Variants in DPH7 observed in about 807,000 individuals in gnomAD.
DPH7 encodes diphthamide biosynthesis 7.
In DPH7, 44 loss-of-function variants were observed where a neutral mutation model predicts 41.7. The ratio of observed to expected loss-of-function variants is 1.05; its 90% CI spans 0.83 to 1.36. The LOEUF (loss-of-function observed/expected upper bound fraction) is 1.36. Ranked by LOEUF, DPH7 falls within the 40% of genes most tolerant of loss-of-function variation. The pLI, the probability that DPH7 is intolerant of heterozygous loss-of-function variation, is 0.00. For synonymous variants in DPH7, 275 were observed against 238.0 expected (o/e 1.16, Z -1.43); for missense variants, 629 against 577.5 (o/e 1.09, Z -0.91).
At position 137,564,558 on chromosome 9, in the gene DPH7, C is replaced by T. The variant is rs374074310; in HGVS notation, c.825G>A (p.Pro275=). 147 of 1,614,072 alleles carry T rather than the reference C, an allele frequency of 9.1e-5. 1 individual carries two copies. Among genetic ancestry groups the T allele is most frequent in the South Asian group, 1.4e-4 (13 of 91,086 alleles). ...LLWDTRNMKQ[P]LADTPVQGGV... ...CACCCTGCACAGGCGTATCTGCCAA[C>T]GGCTGCTTCATGTTTCGTGTGTCCC... The change falls in exon 8 of 9, where the codon CCG becomes CCA. Residue 275 remains proline (P), a synonymous_variant. Coordinates refer to ENST00000277540, the MANE Select transcript of DPH7 (RefSeq NM_138778.5).
intron 1 of DPH7, 77 bp from the exon 2 acceptor site, chr9:137,577,680 G>A (rs912854464): frequency 1.1e-5 from 17 of 1,552,916 alleles, no homozygotes; most frequent in African/African-American, 8.3e-5. Context: ...GGGATCCAAG[G>A]AACTCAAAGG....
At chr9:137,559,495 C>T (rs553783122) in intron 8 of DPH7, among the ~76,000 whole-genome samples, 92 of 152,356 alleles carry the variant, frequency 6.0e-4, no homozygotes, top group Middle Eastern at 3.4e-3. Context: ...GACCTGCCCG[C>T]AGTTATCCGG....
chr9:137,574,093 G>T (rs1588924313), intron 5 of DPH7, 115 bp downstream of exon 5: 1 of 1,138,564 alleles, frequency 8.8e-7, no homozygotes, highest in Non-Finnish European at 1.3e-6. Context: ...TCCATAAAAG[G>T]TCTTCAAGAT....
At position 137,578,809 on chromosome 9, in the gene DPH7, G is replaced by A. The variant is rs1161409351; in HGVS notation, c.-32C>T. The A allele has an allele frequency of 6.4e-6, 9 of 1,408,194 alleles. No homozygotes were observed. Among genetic ancestry groups the A allele is most frequent in the Non-Finnish European group, 8.4e-6 (9 of 1,077,180 alleles). 87.2% of individuals were successfully genotyped at this position (1,408,194 alleles called of 1,614,324 possible). A position where few individuals can be genotyped will look rare whatever the true frequency, so the allele number is the denominator to read the frequency against. On this transcript the variant is annotated 5_prime_UTR_variant, in exon 1 of 9. Transcript: ENST00000277540. ...CTCGGGGAAGGGCGCGGAGCCGGCA[G>A]TAGAGGCGGGTCGGCGGGGCCGGGC...
At position 137,576,094 on chromosome 9, in the gene DPH7, G is replaced by A. The variant is rs1841333616; in HGVS notation, c.361C>T (p.Leu121=). 8.1e-6 allele frequency: 13 copies of A among 1,613,940 alleles called. No individual in the cohort carries two copies. The highest frequency in any genetic ancestry group is 1.1e-5 in the Non-Finnish European group (13 of 1,180,028). The stretch of plus-strand genomic sequence containing the variant: ...AAGTCACTGACCTCAGATTCCACCA[G>A]GCGGAGCAGTTGTATGGATCCACTG... The part of the protein sequence containing the change: ...DASGSIQLLR[L]VESEKSHVLE... Residue 121 remains leucine, a synonymous_variant, in exon 3 of 9, where the codon CTG becomes TTG. Coordinates refer to ENST00000277540, the MANE Select transcript of DPH7 (RefSeq NM_138778.5).
At chr9:137,577,420 A>G in intron 2 of DPH7, 50 bp downstream of exon 2, 13 of 1,585,056 alleles carry the variant, frequency 8.2e-6, no homozygotes, top group African/African-American at 1.3e-5. Flanking sequence ...GGCTTCCCTG[A>G]TTGCTACTCA....
At position 137,565,115 on chromosome 9, in the gene DPH7, AC is replaced by A; in HGVS notation, c.679del (p.Val227TyrfsTer46). The part of the protein sequence containing the change: ...DGLLRGWDTR[V>X]PGKFLFTSKR... ...GCTGGTGAAGAGAAATTTGCCGGGT[AC>A]CCTGGTGTCCCAGCCCCTCAGAAGG... On this transcript the variant is annotated frameshift_variant, in exon 6 of 9. Transcript: ENST00000277540. LOFTEE classifies it high-confidence loss of function. 1 of 1,614,052 alleles carries A rather than the reference AC, an allele frequency of 6.2e-7. No homozygotes were observed. The highest frequency in any genetic ancestry group is 8.5e-7 in the Non-Finnish European group (1 of 1,180,012).
rs577187843 is a variant in DPH7, at chr9:137,554,903, G to A, written c.*336C>T. ...CATTTTAAACATGTTATAAACTCGT[G>A]TTTTTCAAAAAACTTCATTTAATAC... On this transcript the variant is annotated 3_prime_UTR_variant, in exon 9 of 9. Transcript: ENST00000277540. The A allele has an allele frequency of 7.1e-5, 17 of 239,772 alleles. No homozygotes were observed. Among genetic ancestry groups the A allele is most frequent in the Non-Finnish European group, 1.0e-4 (13 of 125,956 alleles). The allele number at this position is 239,772 out of a possible 1,614,324, so 14.9% of individuals were successfully genotyped here.
intron 8 of DPH7, among the ~76,000 whole-genome samples, chr9:137,558,085 G>A (rs377527825): frequency 2.0e-5 from 3 of 152,090 alleles, no homozygotes; most frequent in African/African-American, 7.2e-5. Context: ...GCAGTGAGCT[G>A]AGATTGTGCC....
rs779369750 is a variant in DPH7 at position 137,564,980 on chromosome 9, G to T, written c.711-22C>A. The T allele has an allele frequency of 2.7e-5, 43 of 1,598,062 alleles. No individual in the cohort carries two copies. The African/African-American group carries it at 5.1e-4, about 19-fold the overall frequency. ...GTGTCTGCAAGCAGAGGCGGCTTCT[G>T]AACCAGTGTCCAGCACACAGACCCA... On this transcript the variant is annotated intron_variant, in intron 6 of 8. Transcript: ENST00000277540.
intron 2 of DPH7, among the ~76,000 whole-genome samples, 158 bp downstream of exon 2, chr9:137,577,312 A>G (rs1489782586): frequency 6.6e-6 from 1 of 152,186 alleles, no homozygotes; most frequent in Admixed American, 6.5e-5. Flanking sequence ...AATAAGCCCC[A>G]GGTAAAGCAC....
chr9:137,578,457 C>A, intron 1 of DPH7, 168 bp downstream of exon 1: 1 of 839,408 alleles, frequency 1.2e-6, no homozygotes, highest in East Asian at 3.4e-5. Context: ...TGAGCCACTG[C>A]GCCCGGCCGA....
In DPH7 at chr9:137,573,340, A is replaced by G. The variant is rs555144858; in HGVS notation, c.640+868T>C. ...CGCGCCACTGCACTCCAGCCTAGGC[A>G]ACAGAGCAAGACTCCATCTCAAAAA... On this transcript the variant is annotated intron_variant, in intron 5 of 8. Coordinates refer to ENST00000277540, the MANE Select transcript of DPH7 (RefSeq NM_138778.5). Among the ~76,000 whole-genome samples the G allele has an allele frequency of 3.7e-3, 521 of 139,418 alleles. 2 individuals are homozygous for G. The highest frequency in any genetic ancestry group is 6.8e-3 in the Non-Finnish European group (440 of 64,596). The allele number at this position is 139,418 out of a possible 152,430, so 91.5% of individuals were successfully genotyped here. A position where few individuals can be genotyped will look rare whatever the true frequency, so the allele number is the denominator to read the frequency against.
In DPH7 at chr9:137,555,133, G is replaced by C. The variant is rs1025558797; in HGVS notation, c.*106C>G. On this transcript the variant is annotated 3_prime_UTR_variant, in exon 9 of 9. Coordinates refer to ENST00000277540, the MANE Select transcript of DPH7 (RefSeq NM_138778.5). Reference sequence around the variant, plus strand: ...ACACTGTGGATTCCATCAGTGCACAGGCACCTGCAGGGCTGCAGTAAGCAT... The same window carrying C: ...ACACTGTGGATTCCATCAGTGCACACGCACCTGCAGGGCTGCAGTAAGCAT... The C allele has an allele frequency of 2.9e-6, 4 of 1,385,216 alleles. No individual in the cohort carries two copies. Among genetic ancestry groups the C allele is most frequent in the Non-Finnish European group, 3.9e-6 (4 of 1,037,194 alleles). The allele number at this position is 1,385,216 out of a possible 1,614,324, so 85.8% of individuals were successfully genotyped here. A position where few individuals can be genotyped will look rare whatever the true frequency, so the allele number is the denominator to read the frequency against.
chr9:137,572,459 A>C (rs1840609022), intron 5 of DPH7, among the ~76,000 whole-genome samples: 1 of 152,224 alleles, frequency 6.6e-6, no homozygotes, highest in South Asian at 2.1e-4. Flanking sequence ...TTTTTAAAAC[A>C]CTTGCTTGGC....
chr9:137,571,775 C>T (rs574723766), intron 5 of DPH7, among the ~76,000 whole-genome samples: 21 of 151,786 alleles, frequency 1.4e-4, no homozygotes, highest in Non-Finnish European at 2.4e-4. Flanking sequence ...GCAATAAGAG[C>T]GAAACTCCAT....
rs1263279818 is a variant in DPH7 at position 137,556,275 on chromosome 9, G to A, written c.950-627C>T. Among the ~76,000 whole-genome samples the A allele has an allele frequency of 6.6e-6, 1 of 152,200 alleles. No individual in the cohort carries two copies. Among genetic ancestry groups the A allele is most frequent in the Non-Finnish European group, 1.5e-5 (1 of 68,040 alleles). The stretch of plus-strand genomic sequence containing the variant: ...CCTCCCAGAGCACACAGCAACAGAG[G>A]GAATGACGAGGCGTGGCCAAACCCG... On this transcript the variant is annotated intron_variant, in intron 8 of 8. Transcript: ENST00000277540. This position sits in a 1 kb window ranked among gnomAD's most constrained non-coding sequence, Gnocchi z 5.2.
intron 1 of DPH7, 21 bp from the exon 2 acceptor site, chr9:137,577,624 G>C (rs1841651260): frequency 6.2e-7 from 1 of 1,610,334 alleles, no homozygotes; most frequent in South Asian, 1.1e-5. Context: ...TGCAGAGGTA[G>C]TCTCTGATTA....
At chr9:137,564,773 C>CA (rs1402096118) in intron 7 of DPH7, 120 bp downstream of exon 7, 1 of 1,429,974 alleles carries the variant, frequency 7.0e-7, no homozygotes, top group East Asian at 2.4e-5. Context: ...GAAGCACTGG[C>CA]AGACGAAATG....
Sources: gnomAD v4.1 joint callset for allele counts (sites outside exome capture counted in the v4.1 genomes callset) on GRCh38, gnomAD v4.1.1 for gene constraint, Gnocchi (gnomAD v3.1) non-coding constraint, MANE v1.5 for transcripts, NCBI Gene and HGNC (gene_info 2026-07-23, HGNC 2026-07-21) for gene names.